Variants in BCO2 observed in about 807,000 individuals in gnomAD.
BCO2 encodes beta-carotene oxygenase 2, also known as carotenoid-cleaving dioxygenase, mitochondrial.
A neutral mutation model predicts 65.8 loss-of-function variants in BCO2; 56 were observed. That is an observed-to-expected ratio of 0.85 (90% CI 0.69 to 1.06). BCO2 has a LOEUF of 1.06. Ranked by LOEUF, BCO2 falls within the 50% of genes least tolerant of loss-of-function variation. The pLI, the probability that BCO2 is intolerant of heterozygous loss-of-function variation, is 0.00. For missense variants in BCO2, 675 were observed against 698.5 expected (o/e 0.97, Z 0.38); for synonymous variants, 233 against 242.3 (o/e 0.96, Z 0.36).
rs370755350 is a variant in BCO2, at chr11:112,214,792, G to A, written c.1363G>A (p.Glu455Lys). 1 of 1,613,642 alleles carries A rather than the reference G, an allele frequency of 6.2e-7. No homozygotes were observed. Among genetic ancestry groups the A allele is most frequent in the African/African-American group, 1.3e-5 (1 of 74,912 alleles). Residue 455 changes from glutamate to lysine, a missense_variant, in exon 10 of 12, where the codon GAG (glutamate) becomes AAG (lysine). Glu to Lys is a moderately conservative substitution (Grantham distance 56). Transcript: ENST00000357685. ...GTGCTCTCATGAAAATCTACATCAG[G>A]AGGACCTAGAAAAGGAAGGAGGCAT... ...IWCSHENLHQ[E>K]DLEKEGGIEF... is the part of the protein sequence containing the mutation.
At chr11:112,180,721 A>G in intron 2 of BCO2, 1 of 801,258 alleles carries the variant, frequency 1.2e-6, no homozygotes. Context: ...AGGTGGGAGG[A>G]GGACCAGGTG....
Position 112,181,746 on chromosome 11 carries a change from A to G in BCO2, c.293+2264A>G, listed in dbSNP as rs1463738978. 3 of 870,714 alleles carry G rather than the reference A, an allele frequency of 3.4e-6. No individual in the cohort carries two copies. In the African/African-American group the frequency reaches 4.9e-5, roughly 14 times the overall value. The allele number at this position is 870,714 out of a possible 1,614,324, so 53.9% of individuals were successfully genotyped here. ...GTCAGAACTGTGATGCCAGGGTTTG[A>G]ACTTCAGTGGTGCCGATCTTTCTTG... On this transcript the variant is annotated intron_variant, in intron 2 of 11. Coordinates refer to ENST00000357685, the MANE Select transcript of BCO2 (RefSeq NM_031938.7).
chr11:112,176,654 C>T (rs1410234981), intron 1 of BCO2, among the ~76,000 whole-genome samples: 1 of 151,808 alleles, frequency 6.6e-6, no homozygotes, highest in Non-Finnish European at 1.5e-5. Flanking sequence ...ACCTTAGGAA[C>T]ATTCATGAAG....
intron 8 of BCO2, among the ~76,000 whole-genome samples, chr11:112,205,818 C>T (rs1015506066): frequency 2.0e-5 from 3 of 152,230 alleles, no homozygotes; most frequent in Middle Eastern, 6.8e-3. Flanking sequence ...AGGCTTTTCT[C>T]AAACTTCTGG....
intron 2 of BCO2, among the ~76,000 whole-genome samples, 154 bp from the exon 3 acceptor site, chr11:112,193,320 C>G (rs978005886): frequency 1.3e-5 from 2 of 152,172 alleles, no homozygotes; most frequent in African/African-American, 4.8e-5. Flanking sequence ...AAATGCTCTC[C>G]TCCCACAATT....
chr11:112,218,711 T>A lies in BCO2; in HGVS notation c.*837T>A. On this transcript the variant is annotated 3_prime_UTR_variant, in exon 12 of 12. Transcript: ENST00000357685. ...ATGTCATCGAAGAGTATTTCAAATGTAAGAAATGAACAAATAAAACTTTGG... is the reference window on the plus strand; with the variant it reads ...ATGTCATCGAAGAGTATTTCAAATGAAAGAAATGAACAAATAAAACTTTGG... The A allele has an allele frequency of 6.3e-6, 1 of 159,104 alleles. No homozygotes were observed. 9.9% of individuals were successfully genotyped at this position (159,104 alleles called of 1,614,324 possible). A position where few individuals can be genotyped will look rare whatever the true frequency, so the allele number is the denominator to read the frequency against.
At chr11:112,197,441 A>G (rs1867611914) in intron 5 of BCO2, among the ~76,000 whole-genome samples, 1 of 151,984 alleles carries the variant, frequency 6.6e-6, no homozygotes, top group Non-Finnish European at 1.5e-5. Context: ...CCAGCTACTC[A>G]GGAGGATGAG....
intron 5 of BCO2, among the ~76,000 whole-genome samples, chr11:112,196,507 A>G (rs1867578327): frequency 6.6e-6 from 1 of 152,212 alleles, no homozygotes; most frequent in Non-Finnish European, 1.5e-5. Context: ...ACATTAATCA[A>G]TCCAGTTGGT....
chr11:112,203,604 C>G (rs554584116), intron 8 of BCO2, among the ~76,000 whole-genome samples: 2 of 152,176 alleles, frequency 1.3e-5, no homozygotes, highest in South Asian at 4.1e-4. Context: ...GTGACAAGAG[C>G]AGTTAAAATC....
chr11:112,207,172 C>T lies in BCO2; in HGVS notation c.1194+4982C>T, dbSNP rs866022937. ...TTAGGGCTTTATTTCTTTTTCTCGC[C>T]TTACTGTACCAGCTAGGACTTCGAG... On this transcript the variant is annotated intron_variant, in intron 8 of 11. Coordinates refer to ENST00000357685, the MANE Select transcript of BCO2 (RefSeq NM_031938.7). Among the ~76,000 whole-genome samples the T allele has an allele frequency of 1.3e-4, 20 of 152,122 alleles. 1 individual carries two copies. Among genetic ancestry groups the T allele is most frequent in the Non-Finnish European group, 2.9e-4 (20 of 68,018 alleles).
At chr11:112,215,044 T>G in intron 10 of BCO2, 100 bp downstream of exon 10, 1 of 1,174,930 alleles carries the variant, frequency 8.5e-7, no homozygotes, top group South Asian at 1.3e-5. Context: ...TCTTCAGTAT[T>G]TAAGCAGCTG....
At chr11:112,194,508 T>A (rs1867503364) in intron 4 of BCO2, 145 bp from the exon 5 acceptor site, 1 of 575,468 alleles carries the variant, frequency 1.7e-6, no homozygotes, top group East Asian at 3.3e-5. Flanking sequence ...GTGGGAAAAA[T>A]AATTTTTATT....
At chr11:112,205,019 A>G (rs1235947412) in intron 8 of BCO2, among the ~76,000 whole-genome samples, 1 of 152,228 alleles carries the variant, frequency 6.6e-6, no homozygotes, top group South Asian at 2.1e-4. Context: ...GTAATAATAC[A>G]GTATATAATA....
intron 1 of BCO2, among the ~76,000 whole-genome samples, chr11:112,178,056 C>T (rs1222288472): frequency 4.0e-5 from 6 of 151,066 alleles, no homozygotes; most frequent in Admixed American, 3.3e-4. Flanking sequence ...TTACAGGGGT[C>T]GGCCAACACA....
At chr11:112,209,538 C>T (rs559654122) in intron 8 of BCO2, among the ~76,000 whole-genome samples, 6 of 152,266 alleles carry the variant, frequency 3.9e-5, no homozygotes, top group Admixed American at 2.0e-4. Context: ...TTTGTTAGCA[C>T]GTTTTGTGTG....
chr11:112,200,532 A>G lies in BCO2; in HGVS notation c.866-81A>G, dbSNP rs1867698745. ...GCATCAGTAACGTGTCCAGGCATTC[A>G]GACAAGTCCCCATAACTGGCACATT... is the stretch of plus-strand genomic sequence containing the variant. On this transcript the variant is annotated intron_variant, in intron 6 of 11. Coordinates refer to ENST00000357685, the MANE Select transcript of BCO2 (RefSeq NM_031938.7). 1.4e-5 allele frequency: 18 copies of G among 1,301,200 alleles called. No homozygotes were observed. The South Asian group carries it at 2.3e-4, about 16-fold the overall frequency. 80.6% of individuals were successfully genotyped at this position (1,301,200 alleles called of 1,614,324 possible).
intron 2 of BCO2, among the ~76,000 whole-genome samples, chr11:112,190,773 T>C (rs1277823338): frequency 1.3e-5 from 2 of 150,932 alleles, no homozygotes; most frequent in African/African-American, 4.9e-5. Context: ...GGAGAATTGC[T>C]TGAACCCGGG....
intron 5 of BCO2, among the ~76,000 whole-genome samples, chr11:112,198,577 A>C (rs545017679): frequency 5.7e-4 from 87 of 152,270 alleles, no homozygotes; most frequent in African/African-American, 2.0e-3. Context: ...GACATACAAT[A>C]GGGGCACCAA....
rs200147503 is a variant in BCO2 at position 112,216,281 on chromosome 11, A to G, written c.1577A>G (p.Asn526Ser). Residue 526 changes from asparagine to serine, a missense_variant, in exon 11 of 12, where the codon AAT becomes AGT. Physicochemically the swap from Asn to Ser is conservative, Grantham distance 46. Coordinates refer to ENST00000357685, the MANE Select transcript of BCO2 (RefSeq NM_031938.7). ...GTTTTTGTTCCAGCACCAGGAACCAATGAAGAAGATGGTGGGGTTATTCTT... is the reference window on the plus strand; with the variant it reads ...GTTTTTGTTCCAGCACCAGGAACCAGTGAAGAAGATGGTGGGGTTATTCTT... ...EPVFVPAPGT[N>S]EEDGGVILSV... The G allele has an allele frequency of 3.0e-5, 48 of 1,614,196 alleles. No homozygotes were observed. In the East Asian group the frequency reaches 3.3e-4, roughly 11 times the overall value.
Sources: gnomAD v4.1 joint callset for allele counts (sites outside exome capture counted in the v4.1 genomes callset) on GRCh38, gnomAD v4.1.1 for gene constraint, MANE v1.5 for transcripts, NCBI Gene and HGNC (gene_info 2026-07-23, HGNC 2026-07-21) for gene names.